Variants in CIB4 observed in about 807,000 individuals in gnomAD.
CIB4 encodes calcium and integrin binding family member 4.
CIB4 carries 25 observed loss-of-function variants against 25.8 expected under a neutral mutation model. The observed-to-expected ratio is 0.97, with a 90% CI of 0.71 to 1.35. The LOEUF is 1.35. Ranked by LOEUF, CIB4 falls within the 40% of genes most tolerant of loss-of-function variation. The pLI, the probability that CIB4 is intolerant of heterozygous loss-of-function variation, is 0.00. For synonymous variants in CIB4, 75 were observed against 81.4 expected, an observed-to-expected ratio of 0.92 and a Z score of 0.42; for missense variants, 235 against 228.2, an observed-to-expected ratio of 1.03 and a Z score of -0.19.
chr2:26,630,574 C>T (rs573389988), intron 2 of CIB4, among the ~76,000 whole-genome samples: 109 of 152,104 alleles, frequency 7.2e-4, no homozygotes, highest in Non-Finnish European at 1.3e-3. Context: ...GGTGGGGTCA[C>T]CACAGGCTGG....
intron 3 of CIB4, among the ~76,000 whole-genome samples, chr2:26,599,928 CTGGA>C (rs1254380687): frequency 0.051 from 7,227 of 142,970 alleles, 350 homozygotes; most frequent in African/African-American, 0.081. Flanking sequence ...CAAAAATTAG[CTGGA>C]CATGGTGGCG....
chr2:26,599,785 A>G (rs766424699), intron 3 of CIB4, among the ~76,000 whole-genome samples: 1 of 152,170 alleles, frequency 6.6e-6, no homozygotes, highest in Non-Finnish European at 1.5e-5. Context: ...TATTAAAATA[A>G]TATGATTGGC....
chr2:26,640,654 A>T, intron 1 of CIB4, 87 bp from the exon 2 acceptor site: 1 of 1,380,392 alleles, frequency 7.2e-7, no homozygotes, highest in Non-Finnish European at 1.0e-6. Context: ...GAGGCTGGGG[A>T]GGAAATGCCC....
intron 3 of CIB4, 83 bp downstream of exon 3, chr2:26,629,327 C>T: frequency 2.3e-6 from 2 of 869,450 alleles, no homozygotes; most frequent in Non-Finnish European, 3.7e-6. Context: ...GTGCCCACCT[C>T]ACCCCACCCC....
In CIB4 at chr2:26,627,662, T is replaced by A. The variant is rs781170449; in HGVS notation, c.186+1748A>T. On this transcript the variant is annotated intron_variant, in intron 3 of 6. Transcript: ENST00000288861. This position sits in a 1 kb window ranked among gnomAD's most constrained non-coding sequence, Gnocchi z 4.0. ...TGCCAGGAAGACCGCCTCCCCATTT[T>A]GTTTCTGTCACAGTCACAGTCTCCG... Among the ~76,000 whole-genome samples the A allele has an allele frequency of 6.6e-6, 1 of 152,186 alleles. No homozygotes were observed. Among genetic ancestry groups the A allele is most frequent in the Admixed American group, 6.5e-5 (1 of 15,290 alleles).
At chr2:26,629,370 A>G in intron 3 of CIB4, 40 bp downstream of exon 3, 1 of 1,235,474 alleles carries the variant, frequency 8.1e-7, no homozygotes, top group Non-Finnish European at 1.2e-6. Context: ...AGCAGGTCCC[A>G]CTGATGCTGC....
chr2:26,619,157 A>G (rs991662746), intron 3 of CIB4, among the ~76,000 whole-genome samples: 2 of 152,190 alleles, frequency 1.3e-5, no homozygotes, highest in Non-Finnish European at 2.9e-5. Flanking sequence ...ATTCTCCACA[A>G]AAACTTCTCT....
chr2:26,593,828 C>T (rs1044542538), intron 4 of CIB4, among the ~76,000 whole-genome samples: 1 of 152,200 alleles, frequency 6.6e-6, no homozygotes, highest in Non-Finnish European at 1.5e-5. Flanking sequence ...CTTAGCTGAG[C>T]TGCTTTGAGT....
At chr2:26,616,513 T>C (rs916629715) in intron 3 of CIB4, among the ~76,000 whole-genome samples, 1 of 152,174 alleles carries the variant, frequency 6.6e-6, no homozygotes, top group Non-Finnish European at 1.5e-5. Flanking sequence ...GGGGCCTGGC[T>C]TGGGGACTTG....
chr2:26,634,593 G>C (rs1267049917), intron 2 of CIB4, among the ~76,000 whole-genome samples: 1 of 152,222 alleles, frequency 6.6e-6, no homozygotes. Context: ...GATGGAAACT[G>C]ATGCTCAGGG....
intron 3 of CIB4, chr2:26,605,623 T>C: frequency 2.2e-6 from 1 of 464,694 alleles, no homozygotes; most frequent in Admixed American, 2.4e-5. Context: ...AGAGTATCTC[T>C]ACCAGAAGGT....
At chr2:26,615,660 T>C (rs1662977) in intron 3 of CIB4, among the ~76,000 whole-genome samples, 103,213 of 152,132 alleles carry the variant, frequency 0.68, 35,248 homozygotes, top group African/African-American at 0.75. Flanking sequence ...ATTTGGAAGA[T>C]GAAGACACTG....
At chr2:26,591,540 C>T (rs1305860102) in intron 4 of CIB4, among the ~76,000 whole-genome samples, 1 of 152,228 alleles carries the variant, frequency 6.6e-6, no homozygotes, top group Non-Finnish European at 1.5e-5. Flanking sequence ...CCACCATGGG[C>T]TCCATAGTGC....
At chr2:26,597,538 C>A (rs916362425) in intron 3 of CIB4, among the ~76,000 whole-genome samples, 7 of 151,884 alleles carry the variant, frequency 4.6e-5, no homozygotes, top group Middle Eastern at 3.4e-3. Flanking sequence ...CTTTCCCTTA[C>A]AATATTATTA....
At chr2:26,635,864 T>C (rs567224850) in intron 2 of CIB4, among the ~76,000 whole-genome samples, 10 of 152,348 alleles carry the variant, frequency 6.6e-5, no homozygotes, top group South Asian at 2.1e-4. Flanking sequence ...AGCCTGTATG[T>C]ACTGGTCTTG....
chr2:26,598,299 CAAA>C (rs1296318429), intron 3 of CIB4, among the ~76,000 whole-genome samples: 1 of 120,482 alleles, frequency 8.3e-6, no homozygotes, highest in Admixed American at 8.5e-5. Context: ...GACTCCATCT[CAAA>C]AAAAAAAAAA....
chr2:26,602,370 A>G (rs1668808938), intron 3 of CIB4, among the ~76,000 whole-genome samples: 1 of 152,172 alleles, frequency 6.6e-6, no homozygotes, highest in Admixed American at 6.5e-5. Flanking sequence ...AGTGTATTCT[A>G]GGGAGTCAAT....
intron 3 of CIB4, among the ~76,000 whole-genome samples, chr2:26,604,912 A>G (rs1668859134): frequency 6.6e-6 from 1 of 152,230 alleles, no homozygotes; most frequent in South Asian, 2.1e-4. Flanking sequence ...TAAAAAGACT[A>G]CCAATCAACG....
At chr2:26,638,883 C>T (rs1320643719) in intron 2 of CIB4, among the ~76,000 whole-genome samples, 1 of 151,690 alleles carries the variant, frequency 6.6e-6, no homozygotes, top group African/African-American at 2.4e-5. Flanking sequence ...ACCAGGGAGG[C>T]ACAGGTTGCA....
Sources: allele counts gnomAD v4.1 joint callset (sites outside exome capture counted in the v4.1 genomes callset), GRCh38; gene constraint gnomAD v4.1.1; non-coding constraint Gnocchi (gnomAD v3.1); transcripts MANE v1.5; gene names NCBI Gene and HGNC (gene_info 2026-07-23, HGNC 2026-07-21).